Variants in CEP128 observed in about 807,000 individuals in gnomAD.
CEP128 encodes centrosomal protein 128kDa.
CEP128 carries 132 observed loss-of-function variants against 156.7 expected under a neutral mutation model. The ratio of observed to expected loss-of-function variants is 0.84; its 90% CI spans 0.73 to 0.97. The LOEUF (loss-of-function observed/expected upper bound fraction) is 0.97. CEP128 is among the 50% of genes least tolerant of loss of function. CEP128 has a pLI of 0.00. For missense variants in CEP128, 1,252 were observed against 1,281.9 expected, an observed-to-expected ratio of 0.98 and a Z score of 0.36; for synonymous variants, 469 against 448.9, an observed-to-expected ratio of 1.04 and a Z score of -0.57.
intron 19 of CEP128, among the ~76,000 whole-genome samples, chr14:80,708,863 T>C (rs927852620): frequency 6.6e-6 from 1 of 152,108 alleles, no homozygotes; most frequent in Non-Finnish European, 1.5e-5. Context: ...TTTTTCCATA[T>C]AAATATCCAG....
chr14:80,617,810 AAAAT>A (rs1258787139), intron 19 of CEP128, among the ~76,000 whole-genome samples: 1 of 152,222 alleles, frequency 6.6e-6, no homozygotes, highest in Admixed American at 6.5e-5. Context: ...ACAAAAATAA[AAAAT>A]AAACAAACAA....
At chr14:80,502,617 C>T (rs200813470) in intron 24 of CEP128, among the ~76,000 whole-genome samples, 8 of 152,018 alleles carry the variant, frequency 5.3e-5, no homozygotes, top group East Asian at 1.9e-4. Flanking sequence ...ATTCTGACAC[C>T]GCTTAGTCTG....
intron 16 of CEP128, among the ~76,000 whole-genome samples, chr14:80,772,010 T>C (rs1374297252): frequency 6.6e-6 from 1 of 152,222 alleles, no homozygotes; most frequent in Non-Finnish European, 1.5e-5. Flanking sequence ...TAAGCTGACC[T>C]TCTGTTTAAA....
rs139026058 is a variant in CEP128 at position 80,665,485 on chromosome 14, T to A, written c.2806+77590A>T. On this transcript the variant is annotated intron_variant, in intron 19 of 24. Coordinates refer to ENST00000555265, the MANE Select transcript of CEP128 (RefSeq NM_152446.5). Reference sequence around the variant, plus strand: ...CAGGCACTTTGGCTTGTGATAGAGGTACAATCAAACTCATGCTACCACACA... The same window carrying A: ...CAGGCACTTTGGCTTGTGATAGAGGAACAATCAAACTCATGCTACCACACA... 2.1e-3 allele frequency among the ~76,000 whole-genome samples: 322 copies of A among 152,258 alleles called. 3 individuals are homozygous for A. The highest frequency in any genetic ancestry group is 6.9e-3 in the African/African-American group (288 of 41,526).
At chr14:80,559,418 A>G (rs1381513823) in intron 20 of CEP128, 116 bp from the exon 21 acceptor site, 1 of 797,628 alleles carries the variant, frequency 1.3e-6, no homozygotes, top group Non-Finnish European at 1.9e-6. Context: ...CATTTTAAAA[A>G]TGTAAAAAAT....
intron 23 of CEP128, among the ~76,000 whole-genome samples, chr14:80,511,474 T>C (rs1888253662): frequency 6.6e-6 from 1 of 152,006 alleles, no homozygotes; most frequent in African/African-American, 2.4e-5. Flanking sequence ...TCAGATTTTA[T>C]TTATTTGGGT....
chr14:80,675,038 C>T (rs983482061), intron 19 of CEP128, among the ~76,000 whole-genome samples: 1 of 152,042 alleles, frequency 6.6e-6, no homozygotes, highest in Non-Finnish European at 1.5e-5. Context: ...TTAAGAATAG[C>T]CATTTTGCTT....
chr14:80,529,038 C>T (rs961483537), intron 22 of CEP128, among the ~76,000 whole-genome samples: 3 of 152,116 alleles, frequency 2.0e-5, no homozygotes, highest in South Asian at 2.1e-4. Flanking sequence ...AGCAGCAGGG[C>T]GAAGCAGATG....
intron 15 of CEP128, among the ~76,000 whole-genome samples, chr14:80,783,753 T>G (rs914624926): frequency 1.3e-5 from 2 of 152,208 alleles, no homozygotes; most frequent in African/African-American, 4.8e-5. Context: ...AGCATTATGA[T>G]GGTTTCATAG....
intron 19 of CEP128, among the ~76,000 whole-genome samples, chr14:80,691,030 G>T (rs934149651): frequency 5.7e-4 from 86 of 152,066 alleles, no homozygotes; most frequent in African/African-American, 2.0e-3. Context: ...TACCCTAAAA[G>T]GTATTAAATA....
At chr14:80,578,729 A>T (rs1334998265) in intron 20 of CEP128, among the ~76,000 whole-genome samples, 1 of 152,176 alleles carries the variant, frequency 6.6e-6, no homozygotes, top group Non-Finnish European at 1.5e-5. Context: ...AAACTCAGGA[A>T]TATAGGCACT....
At chr14:80,728,939 T>G (rs1898124387) in intron 19 of CEP128, among the ~76,000 whole-genome samples, 1 of 152,202 alleles carries the variant, frequency 6.6e-6, no homozygotes, top group Non-Finnish European at 1.5e-5. Context: ...TCACAGAATC[T>G]GCAGGTTCAC....
At chr14:80,680,503 T>C (rs1269276208) in intron 19 of CEP128, among the ~76,000 whole-genome samples, 1 of 152,070 alleles carries the variant, frequency 6.6e-6, no homozygotes, top group African/African-American at 2.4e-5. Flanking sequence ...TGGACATATA[T>C]TGTAGTATAT....
chr14:80,655,478 T>C (rs1235388794), intron 19 of CEP128, among the ~76,000 whole-genome samples: 2 of 152,202 alleles, frequency 1.3e-5, no homozygotes, highest in South Asian at 4.1e-4. Context: ...TGTATTCCTG[T>C]ATAATTCTCC....
At chr14:80,877,132 AG>A (rs1431188956) in intron 8 of CEP128, among the ~76,000 whole-genome samples, 4 of 152,200 alleles carry the variant, frequency 2.6e-5, no homozygotes, top group Non-Finnish European at 4.4e-5. Flanking sequence ...GATATTTTAA[AG>A]ACATATGTTG....
At chr14:80,747,501 A>G (rs1397186176) in intron 18 of CEP128, among the ~76,000 whole-genome samples, 1 of 152,154 alleles carries the variant, frequency 6.6e-6, no homozygotes. Flanking sequence ...ATCACAAAAG[A>G]CCACATATTA....
intron 20 of CEP128, among the ~76,000 whole-genome samples, chr14:80,564,618 C>G (rs1011766952): frequency 1.3e-5 from 2 of 152,162 alleles, no homozygotes; most frequent in Non-Finnish European, 1.5e-5. Context: ...CTTGTTCACT[C>G]CTGGGTGTAG....
At chr14:80,836,983 T>C (rs1338937177) in intron 11 of CEP128, among the ~76,000 whole-genome samples, 1 of 152,196 alleles carries the variant, frequency 6.6e-6, no homozygotes, top group Non-Finnish European at 1.5e-5. Flanking sequence ...AGATTATAAG[T>C]TAGAGTTCCA....
At position 80,783,850 on chromosome 14, in the gene CEP128, T is replaced by G. The variant is rs118005055; in HGVS notation, c.2211+1045A>C. ...ATCTTATAAGGTGTCTTAGGTTTAATGAAATATAGTAAGGGTCTTTTACCT... is the reference window on the plus strand; with the variant it reads ...ATCTTATAAGGTGTCTTAGGTTTAAGGAAATATAGTAAGGGTCTTTTACCT... On this transcript the variant is annotated intron_variant, in intron 15 of 24. Transcript: ENST00000555265. Among the ~76,000 whole-genome samples the G allele has an allele frequency of 8.3e-3, 1,265 of 152,238 alleles. 16 individuals are homozygous for G. The highest frequency in any genetic ancestry group is 0.01 in the Non-Finnish European group (690 of 68,004).
Sources: allele counts gnomAD v4.1 joint callset (sites outside exome capture counted in the v4.1 genomes callset), GRCh38; gene constraint gnomAD v4.1.1; transcripts MANE v1.5; gene names NCBI Gene and HGNC (gene_info 2026-07-23, HGNC 2026-07-21).